ELF4: variants seen among roughly 807,000 people sequenced by gnomAD.
ELF4 encodes the protein ETS-related transcription factor Elf-4.
A neutral mutation model predicts 31.7 loss-of-function variants in ELF4; 10 were observed. The ratio of observed to expected loss-of-function variants is 0.32; its 90% CI spans 0.19 to 0.54. The LOEUF (loss-of-function observed/expected upper bound fraction) is 0.54, where lower values mean the gene tolerates loss of function less well. Ranked by LOEUF, ELF4 falls within the 20% of genes least tolerant of loss-of-function variation. The pLI, the probability that ELF4 is intolerant of heterozygous loss-of-function variation, is 0.95. For missense variants in ELF4, 418 were observed against 522.0 expected, an observed-to-expected ratio of 0.80 and a Z score of 1.94; for synonymous variants, 208 against 226.7, an observed-to-expected ratio of 0.92 and a Z score of 0.74.
intron 2 of ELF4, among the ~76,000 whole-genome samples, chrX:130,077,538 C>T (rs954637961): frequency 8.9e-6 from 1 of 112,373 alleles, no homozygotes; most frequent in Non-Finnish European, 1.9e-5. Context: ...TCGTGATCCG[C>T]CTGCGTTGGC....
chrX:130,099,960 C>T (rs1485067066), intron 1 of ELF4, among the ~76,000 whole-genome samples: 1 of 111,299 alleles, frequency 9.0e-6, no homozygotes, highest in African/African-American at 3.3e-5. Flanking sequence ...TTTAAGGATA[C>T]CATCTGGAAC....
At chrX:130,069,806 C>A (rs1332588812) in intron 7 of ELF4, 129 bp from the exon 8 acceptor site, 17 of 988,043 alleles carry the variant, frequency 1.7e-5, no homozygotes, top group Non-Finnish European at 2.2e-5. Context: ...GGCTGGGGAG[C>A]CAGCTGAGGG....
Position 130,064,133 on chromosome X carries a change from A to G in ELF4, c.*2588T>C, listed in dbSNP as rs945153808. Among the ~76,000 whole-genome samples, 5 of 110,226 alleles carry G rather than the reference A, an allele frequency of 4.5e-5. No homozygotes were observed. The highest frequency in any genetic ancestry group is 9.5e-5 in the Non-Finnish European group (5 of 52,795). ...TTGGAAAGGTTTTTTGTGAGCGTGGAAATAATTTAAAAATCCATTGTTGGC... is the reference window on the plus strand; with the variant it reads ...TTGGAAAGGTTTTTTGTGAGCGTGGGAATAATTTAAAAATCCATTGTTGGC... On this transcript the variant is annotated 3_prime_UTR_variant, in exon 9 of 9. Coordinates refer to ENST00000308167, the MANE Select transcript of ELF4 (RefSeq NM_001421.4).
In ELF4 at chrX:130,066,791, G is replaced by T. The variant is rs1004556077; in HGVS notation, c.1922C>A (p.Ser641Tyr). The change falls in exon 9 of 9, where the codon TCC becomes TAC. Residue 641 changes from serine to tyrosine, a missense_variant. This residue lies in a region of ELF4 where 260 missense variants were observed against 269.2 expected (regional missense o/e 0.97). Coordinates refer to ENST00000308167, the MANE Select transcript of ELF4 (RefSeq NM_001421.4). Reference protein sequence around the residue: ...VTTSGSLLTRSPTPAPFSPFN... With the variant: ...VTTSGSLLTRYPTPAPFSPFN... Reference sequence around the variant, plus strand: ...TGGGGAGAAAGGGGCTGGGGTGGGGGATCTTGTCAGAAGGCTCCCAGATGT... The same window carrying T: ...TGGGGAGAAAGGGGCTGGGGTGGGGTATCTTGTCAGAAGGCTCCCAGATGT... 2.1e-5 allele frequency: 25 copies of T among 1,207,276 alleles called. No individual in the cohort carries two copies. Among genetic ancestry groups the T allele is most frequent in the Non-Finnish European group, 2.7e-5 (24 of 893,803 alleles).
intron 1 of ELF4, among the ~76,000 whole-genome samples, chrX:130,109,583 G>C (rs1263935396): frequency 9.0e-6 from 1 of 111,422 alleles, no homozygotes; most frequent in Non-Finnish European, 1.9e-5. Context: ...GGTCAGGAAG[G>C]TGATGTGCAG....
chrX:130,108,810 TC>T (rs1176140355), intron 1 of ELF4, among the ~76,000 whole-genome samples: 6 of 107,944 alleles, frequency 5.6e-5, no homozygotes, highest in East Asian at 2.9e-4. Context: ...TGCTTCATGG[TC>T]CCCCCCACCC....
chrX:130,081,238 T>C lies in ELF4; in HGVS notation c.75+18A>G. The C allele has an allele frequency of 8.3e-7, 1 of 1,211,105 alleles. No homozygotes were observed. Among genetic ancestry groups the C allele is most frequent in the Non-Finnish European group, 1.1e-6 (1 of 894,657 alleles). On this transcript the variant is annotated intron_variant, in intron 2 of 8. Transcript: ENST00000308167. ...TTGTCCACAGGGGCTAACTGTGCTC[T>C]GTTCTCTGGGGCCATACCTGGTGGA...
At chrX:130,093,157 C>A (rs1394991674) in intron 1 of ELF4, among the ~76,000 whole-genome samples, 2 of 110,220 alleles carry the variant, frequency 1.8e-5, no homozygotes, top group African/African-American at 3.3e-5. Flanking sequence ...CTCTGTCCCC[C>A]AGGTTGGAGT....
At chrX:130,091,382 G>A (rs753701227) in intron 1 of ELF4, among the ~76,000 whole-genome samples, 4 of 111,882 alleles carry the variant, frequency 3.6e-5, no homozygotes, top group East Asian at 2.8e-4. Context: ...AGCCGACATC[G>A]TGCCACTGCA....
At chrX:130,102,872 G>A (rs796446845) in intron 1 of ELF4, among the ~76,000 whole-genome samples, 178 of 64,030 alleles carry the variant, frequency 2.8e-3, no homozygotes, top group African/African-American at 0.019. Flanking sequence ...GAGAGAGAGA[G>A]AGAGAGAGAG....
chrX:130,083,925 C>G (rs1486779579), intron 1 of ELF4, among the ~76,000 whole-genome samples: 1 of 111,032 alleles, frequency 9.0e-6, no homozygotes, highest in South Asian at 3.7e-4. Flanking sequence ...TTCTGGGCAA[C>G]GTTTATCTGT....
At chrX:130,070,817 A>G (rs1002325300) in intron 7 of ELF4, among the ~76,000 whole-genome samples, 1 of 104,264 alleles carries the variant, frequency 9.6e-6, no homozygotes, top group African/African-American at 3.5e-5. Context: ...GAAAGAAAGA[A>G]AAAGGAAAAG....
chrX:130,075,401 C>G (rs1173486194), intron 2 of ELF4, among the ~76,000 whole-genome samples: 2 of 110,108 alleles, frequency 1.8e-5, no homozygotes, highest in Non-Finnish European at 3.8e-5. Context: ...CTCAGCCTCC[C>G]GAGTAGCTGG....
intron 1 of ELF4, among the ~76,000 whole-genome samples, chrX:130,092,395 T>A (rs1933075612): frequency 8.9e-6 from 1 of 112,325 alleles, no homozygotes; most frequent in Admixed American, 9.4e-5. Flanking sequence ...GTGGGGAGGA[T>A]CCCTCACAGG....
In ELF4 at chrX:130,092,490, C is replaced by G. The variant is rs773326825; in HGVS notation, c.-209-10951G>C. Among the ~76,000 whole-genome samples, 43 of 112,567 alleles carry G rather than the reference C, an allele frequency of 3.8e-4. 1 individual carries two copies. The highest frequency in any genetic ancestry group is 3.3e-3 in the Admixed American group (35 of 10,667). ...GCTTTGGGCTAGGAGCAGGTACAAGCGGATGCAGTACCTGGGAGGGAGATT... is the reference window on the plus strand; with the variant it reads ...GCTTTGGGCTAGGAGCAGGTACAAGGGGATGCAGTACCTGGGAGGGAGATT... On this transcript the variant is annotated intron_variant, in intron 1 of 8. Transcript: ENST00000308167.
At chrX:130,082,328 CT>C (rs1463795418) in intron 1 of ELF4, among the ~76,000 whole-genome samples, 1 of 111,581 alleles carries the variant, frequency 9.0e-6, no homozygotes, top group Admixed American at 9.4e-5. Flanking sequence ...CAGCACCCCC[CT>C]CTCACCACTA....
intron 1 of ELF4, among the ~76,000 whole-genome samples, chrX:130,089,145 C>T (rs1933008661): frequency 9.1e-6 from 1 of 110,418 alleles, no homozygotes; most frequent in African/African-American, 3.3e-5. Context: ...AGCCTCGGCT[C>T]CAGAAGTCAT....
At chrX:130,094,160 C>T (rs1002820354) in intron 1 of ELF4, among the ~76,000 whole-genome samples, 7 of 110,790 alleles carry the variant, frequency 6.3e-5, no homozygotes, top group African/African-American at 9.9e-5. Context: ...GTCAGGTGGG[C>T]GGATCATGAG....
chrX:130,094,542 G>C (rs1254904806), intron 1 of ELF4, among the ~76,000 whole-genome samples: 2 of 108,640 alleles, frequency 1.8e-5, no homozygotes, highest in African/African-American at 6.7e-5. Context: ...ACTCCAGCCT[G>C]GGTGACAGAG....
Sources: allele counts gnomAD v4.1 joint callset (sites outside exome capture counted in the v4.1 genomes callset), GRCh38; gene constraint gnomAD v4.1.1; regional missense constraint gnomAD v4.1.1; transcripts MANE v1.5; gene names NCBI Gene and HGNC (gene_info 2026-07-23, HGNC 2026-07-21).